MARK1: variants seen among roughly 807,000 people sequenced by gnomAD.
MARK1 encodes microtubule affinity regulating kinase 1.
Under a neutral mutation model 96.3 loss-of-function variants are expected in MARK1, and 40 were observed. The ratio of observed to expected loss-of-function variants is 0.42; its 90% CI spans 0.32 to 0.54. MARK1 has a LOEUF of 0.54. MARK1 is among the 20% of genes least tolerant of loss of function. The probability of loss-of-function intolerance (pLI) is 0.16; values close to 1 mark genes in which losing one functional copy is unlikely to be tolerated. For synonymous variants in MARK1, 317 were observed against 341.2 expected (o/e 0.93, Z 0.78); for missense variants, 719 against 984.6 (o/e 0.73, Z 3.61).
At chr1:220,579,325 A>G (rs535556732) in intron 1 of MARK1, 29 bp from the exon 2 acceptor site, 2 of 1,445,784 alleles carry the variant, frequency 1.4e-6, no homozygotes, top group South Asian at 2.3e-5. Flanking sequence ...AATTTAATTA[A>G]CAATGAAATC....
chr1:220,606,919 C>T (rs115459432), intron 6 of MARK1, among the ~76,000 whole-genome samples: 38,348 of 152,090 alleles, frequency 0.25, 5,737 homozygotes, highest in East Asian at 0.46. Flanking sequence ...CTTTCAGTTA[C>T]TGTAGCCTTG....
At chr1:220,578,314 G>A (rs1019543888) in intron 1 of MARK1, among the ~76,000 whole-genome samples, 2 of 152,230 alleles carry the variant, frequency 1.3e-5, no homozygotes, top group African/African-American at 2.4e-5. Flanking sequence ...ATCACAGCTA[G>A]TGAAACAGAG....
chr1:220,537,880 G>A (rs1660832157), intron 1 of MARK1, among the ~76,000 whole-genome samples: 1 of 151,492 alleles, frequency 6.6e-6, no homozygotes, highest in Non-Finnish European at 1.5e-5. Flanking sequence ...CTGCATAAAT[G>A]TCTTCTTTTG....
chr1:220,586,009 A>ACACACACGCACG, intron 3 of MARK1, among the ~76,000 whole-genome samples: 1 of 129,726 alleles, frequency 7.7e-6, no homozygotes, highest in Non-Finnish European at 1.7e-5. Context: ...ACACACACAC[A>ACACACACGCACG]CACGCGCGCG....
rs561369593 is a variant in MARK1 at position 220,561,119 on chromosome 1, G to T, written c.52-18235G>T. 6.6e-5 allele frequency among the ~76,000 whole-genome samples: 10 copies of T among 150,676 alleles called. No homozygotes were observed. In the South Asian group the frequency reaches 2.1e-3, roughly 32 times the overall value. ...TGACATATAACCTGAGTAAGGAGGT[G>T]TAGGTAGGACATTACAGGGATGAAT... On this transcript the variant is annotated intron_variant, in intron 1 of 17. Transcript: ENST00000366917.
intron 13 of MARK1, among the ~76,000 whole-genome samples, chr1:220,643,800 A>G (rs1668420560): frequency 6.6e-6 from 1 of 152,210 alleles, no homozygotes; most frequent in Admixed American, 6.5e-5. Context: ...TCCAACCCAG[A>G]ATTTCATATC....
At chr1:220,584,351 CATT>C (rs1258134878) in intron 3 of MARK1, among the ~76,000 whole-genome samples, 1 of 152,164 alleles carries the variant, frequency 6.6e-6, no homozygotes, top group African/African-American at 2.4e-5. Flanking sequence ...AGAATTATGT[CATT>C]ATATAATAGA....
intron 13 of MARK1, among the ~76,000 whole-genome samples, chr1:220,641,840 G>T (rs527871911): frequency 5.3e-5 from 8 of 152,188 alleles, no homozygotes; most frequent in Non-Finnish European, 4.4e-5. Flanking sequence ...CTCCCTCCCC[G>T]AGCCAAGAGA....
At chr1:220,661,229 TG>T (rs989607226) in intron 17 of MARK1, among the ~76,000 whole-genome samples, 1 of 152,140 alleles carries the variant, frequency 6.6e-6, no homozygotes, top group African/African-American at 2.4e-5. Flanking sequence ...ATGGAAGTCA[TG>T]GGGAACGTTG....
At chr1:220,599,238 T>C (rs1204985855) in intron 4 of MARK1, among the ~76,000 whole-genome samples, 2 of 152,176 alleles carry the variant, frequency 1.3e-5, no homozygotes, top group Non-Finnish European at 2.9e-5. Context: ...CAAGTAAAAT[T>C]CTTTTTAAAA....
intron 16 of MARK1, among the ~76,000 whole-genome samples, chr1:220,653,849 T>C (rs1036069654): frequency 1.3e-5 from 2 of 152,172 alleles, no homozygotes; most frequent in Admixed American, 6.5e-5. Context: ...ACAAAATGAA[T>C]ACATGTATAG....
chr1:220,620,039 C>T (rs1666965529), intron 9 of MARK1, among the ~76,000 whole-genome samples: 1 of 152,122 alleles, frequency 6.6e-6, no homozygotes, highest in Non-Finnish European at 1.5e-5. Context: ...AAATATTTTT[C>T]AGTAGAGGAT....
intron 11 of MARK1, 126 bp from the exon 12 acceptor site, chr1:220,635,250 G>C (rs1667886118): frequency 5.4e-6 from 5 of 919,648 alleles, no homozygotes; most frequent in Non-Finnish European, 6.3e-6. Flanking sequence ...ATACTACACT[G>C]TTTTTTCAGT....
chr1:220,647,115 A>T (rs1202300568), intron 13 of MARK1, among the ~76,000 whole-genome samples: 1 of 152,178 alleles, frequency 6.6e-6, no homozygotes, highest in Non-Finnish European at 1.5e-5. Flanking sequence ...GAGTGAACAG[A>T]CAGTCTACAG....
chr1:220,640,573 C>T (rs760885459), intron 13 of MARK1, among the ~76,000 whole-genome samples: 1 of 152,172 alleles, frequency 6.6e-6, no homozygotes, highest in Non-Finnish European at 1.5e-5. Context: ...AAAGGAGTCT[C>T]TCTTAGTTCA....
At chr1:220,535,099 G>A (rs1313486867) in intron 1 of MARK1, among the ~76,000 whole-genome samples, 6 of 151,972 alleles carry the variant, frequency 3.9e-5, no homozygotes, top group Non-Finnish European at 8.8e-5. Context: ...TGGGTCAAAT[G>A]GTAAGTCTAT....
chr1:220,613,444 A>G (rs932122796), intron 6 of MARK1, among the ~76,000 whole-genome samples: 1 of 152,166 alleles, frequency 6.6e-6, no homozygotes, highest in Non-Finnish European at 1.5e-5. Flanking sequence ...GTTTTCATAG[A>G]GACCATTCTG....
At chr1:220,632,464 A>C (rs369524480) in intron 11 of MARK1, 151 bp downstream of exon 11, 2 of 436,514 alleles carry the variant, frequency 4.6e-6, no homozygotes, top group East Asian at 3.6e-5. Flanking sequence ...TAAATTATGA[A>C]CTGGTTGTAT....
chr1:220,559,412 TAAACACAGA>T (rs1350912686), intron 1 of MARK1, among the ~76,000 whole-genome samples: 1 of 152,170 alleles, frequency 6.6e-6, no homozygotes, highest in Non-Finnish European at 1.5e-5. Flanking sequence ...TGGGTTGAAG[TAAACACAGA>T]GAAGTGATAC....
Sources: gnomAD v4.1 joint callset for allele counts (sites outside exome capture counted in the v4.1 genomes callset) on GRCh38, gnomAD v4.1.1 for gene constraint, MANE v1.5 for transcripts, NCBI Gene and HGNC (gene_info 2026-07-23, HGNC 2026-07-21) for gene names.